KAZN: variants seen among roughly 807,000 people sequenced by gnomAD.
KAZN encodes kazrin.
A neutral mutation model predicts 87.4 loss-of-function variants in KAZN; 40 were observed. The ratio of observed to expected loss-of-function variants is 0.46; its 90% CI spans 0.36 to 0.60. The LOEUF is 0.60. KAZN is among the 20% of genes least tolerant of loss of function. The pLI is 0.00. For synonymous variants in KAZN, 466 were observed against 458.3 expected (o/e 1.02, Z -0.22); for missense variants, 898 against 1,073.9 (o/e 0.84, Z 2.29).
At chr1:13,938,831 T>A (rs903869657) in intron 1 of KAZN, among the ~76,000 whole-genome samples, 1 of 152,232 alleles carries the variant, frequency 6.6e-6, no homozygotes, top group African/African-American at 2.4e-5. Flanking sequence ...TAACACCATG[T>A]GGAAGTTGCC....
intron 2 of KAZN, among the ~76,000 whole-genome samples, chr1:14,278,926 C>CTTTTTTTTTTTT (rs77998358): frequency 1.0e-5 from 1 of 97,770 alleles, no homozygotes; most frequent in African/African-American, 4.4e-5. Flanking sequence ...TCAAATTCAG[C>CTTTTTTTTTTTT]TTTTTTTTTT....
intron 2 of KAZN, among the ~76,000 whole-genome samples, chr1:14,995,331 T>A (rs1301311372): frequency 6.6e-6 from 1 of 152,208 alleles, no homozygotes; most frequent in Admixed American, 6.5e-5. Context: ...AGGGACAATC[T>A]TCCTGGGTTG....
intron 2 of KAZN, among the ~76,000 whole-genome samples, chr1:14,590,392 A>T (rs1269235038): frequency 1.3e-5 from 2 of 152,156 alleles, no homozygotes; most frequent in East Asian, 1.9e-4. Context: ...GGGACACAGA[A>T]GGTCTCTCAC....
At chr1:14,898,771 C>A (rs1338458133) in intron 1 of KAZN, among the ~76,000 whole-genome samples, 1 of 152,134 alleles carries the variant, frequency 6.6e-6, no homozygotes, top group Non-Finnish European at 1.5e-5. Context: ...TCTAAGAGGG[C>A]GGGACTTATC....
chr1:15,003,893 C>A (rs142769640), intron 2 of KAZN, among the ~76,000 whole-genome samples: 110 of 152,312 alleles, frequency 7.2e-4, no homozygotes, highest in African/African-American at 2.4e-3. Flanking sequence ...GTGTCCCCTG[C>A]CCACATACAC....
At chr1:14,988,122 G>A (rs1445195631) in intron 2 of KAZN, among the ~76,000 whole-genome samples, 2 of 152,192 alleles carry the variant, frequency 1.3e-5, no homozygotes, top group African/African-American at 4.8e-5. Flanking sequence ...TAGTGAGCAG[G>A]AAGTCCTGAG....
chr1:15,039,628 G>A (rs1486643508), intron 3 of KAZN, among the ~76,000 whole-genome samples: 2 of 152,162 alleles, frequency 1.3e-5, no homozygotes, highest in Non-Finnish European at 2.9e-5. Flanking sequence ...ATTTTAATGG[G>A]GTACATAGTG....
chr1:14,218,301 T>C lies in KAZN; in HGVS notation c.249+37709T>C, dbSNP rs529466751. ...CTGAATTTAAATTGGAAGTATCATA[T>C]ACATTGTGAGTTCATACTCGTGTAC... On this transcript the variant is annotated intron_variant, in intron 2 of 16. Transcript: ENST00000636203. Among the ~76,000 whole-genome samples, 116 of 146,130 alleles carry C rather than the reference T, an allele frequency of 7.9e-4. No individual in the cohort carries two copies. In the South Asian group the frequency reaches 8.1e-3, roughly 10 times the overall value.
At chr1:14,683,900 A>C (rs1396250373) in intron 1 of KAZN, among the ~76,000 whole-genome samples, 2 of 152,240 alleles carry the variant, frequency 1.3e-5, no homozygotes, top group African/African-American at 4.8e-5. Context: ...AGTTCAGTGC[A>C]ATACACACTG....
chr1:15,004,599 C>T (rs78364913), intron 2 of KAZN, among the ~76,000 whole-genome samples: 4,031 of 152,216 alleles, frequency 0.026, 186 homozygotes, highest in African/African-American at 0.093. Context: ...GGCATGTAGC[C>T]GGAGTTTGGT....
At chr1:14,040,751 C>A (rs146636433) in intron 1 of KAZN, among the ~76,000 whole-genome samples, 1 of 130,712 alleles carries the variant, frequency 7.7e-6, no homozygotes, top group Admixed American at 7.4e-5. Flanking sequence ...GGAGACAGAG[C>A]GAGACTTCAT....
intron 1 of KAZN, among the ~76,000 whole-genome samples, chr1:14,173,564 AACT>A (rs1209230263): frequency 1.3e-5 from 2 of 152,196 alleles, no homozygotes; most frequent in Admixed American, 6.5e-5. Flanking sequence ...TATCCGCCGG[AACT>A]ATTGAGAAAG....
chr1:14,703,212 C>T (rs183451906), intron 1 of KAZN, among the ~76,000 whole-genome samples: 59 of 152,284 alleles, frequency 3.9e-4, no homozygotes, highest in Non-Finnish European at 2.6e-4. Context: ...GTAGGTTGAC[C>T]AGGCTGGGCG....
At chr1:15,093,939 A>C (rs998932074) in intron 8 of KAZN, among the ~76,000 whole-genome samples, 1 of 152,026 alleles carries the variant, frequency 6.6e-6, no homozygotes, top group Non-Finnish European at 1.5e-5. Context: ...ACGTGGGGTG[A>C]TCTTCATTTA....
At chr1:14,680,323 T>TC (rs1224746717) in intron 1 of KAZN, among the ~76,000 whole-genome samples, 1 of 152,046 alleles carries the variant, frequency 6.6e-6, no homozygotes, top group East Asian at 1.9e-4. Context: ...TACGTAGCCC[T>TC]CCCCCTACTC....
chr1:15,046,247 A>G (rs1389030118), intron 4 of KAZN, among the ~76,000 whole-genome samples: 2 of 149,810 alleles, frequency 1.3e-5, no homozygotes, highest in African/African-American at 2.5e-5. Context: ...GCAGTGAGCC[A>G]AGGTCAAGCC....
At chr1:14,121,171 A>G (rs1024417504) in intron 1 of KAZN, among the ~76,000 whole-genome samples, 3 of 152,198 alleles carry the variant, frequency 2.0e-5, no homozygotes, top group Admixed American at 6.5e-5. Context: ...TTATCAAGGA[A>G]TTTTAATTGA....
intron 1 of KAZN, among the ~76,000 whole-genome samples, chr1:14,695,532 G>GTTTTTTTT (rs1641553827): frequency 4.9e-5 from 2 of 41,160 alleles, no homozygotes; most frequent in African/African-American, 1.8e-4. Context: ...TTTTGATGGA[G>GTTTTTTTT]TCTTGCACTG....
At chr1:13,913,643 A>G (rs948831073) in intron 1 of KAZN, among the ~76,000 whole-genome samples, 2 of 152,122 alleles carry the variant, frequency 1.3e-5, no homozygotes, top group African/African-American at 2.4e-5. Context: ...ATGTTATTGC[A>G]TGGCCCTGCT....
Sources: gnomAD v4.1 joint callset for allele counts (sites outside exome capture counted in the v4.1 genomes callset) on GRCh38, gnomAD v4.1.1 for gene constraint, MANE v1.5 for transcripts, NCBI Gene and HGNC (gene_info 2026-07-23, HGNC 2026-07-21) for gene names.